COA5: variants seen among roughly 807,000 people sequenced by gnomAD.
COA5 encodes the protein cytochrome c oxidase assembly factor 5.
Under a neutral mutation model 11.8 loss-of-function variants are expected in COA5, and 11 were observed. That is an observed-to-expected ratio of 0.93 (90% CI 0.59 to 1.54). COA5 has a LOEUF of 1.54. Among genes scored for constraint, COA5 ranks in the 40% most tolerant of loss-of-function variants. The probability of loss-of-function intolerance (pLI) is 0.00; values close to 1 mark genes in which losing one functional copy is unlikely to be tolerated. For synonymous variants in COA5, 38 were observed against 37.5 expected (o/e 1.01, Z -0.05); for missense variants, 87 against 89.2 (o/e 0.97, Z 0.10).
In COA5 at chr2:98,599,413, G is replaced by GTTGT. The variant is rs775586533; in HGVS notation, c.*1335_*1338dup. On this transcript the variant is annotated 3_prime_UTR_variant, in exon 3 of 3. Transcript: ENST00000328709. ...AGGGCTTTATAATATACATTTTAGA[G>GTTGT]TTGTTTACTTTTATTAATAAAAAGT... The GTTGT allele has an allele frequency of 2.0e-5, 3 of 152,080 alleles. No individual in the cohort carries two copies. Among genetic ancestry groups the GTTGT allele is most frequent in the Non-Finnish European group, 4.4e-5 (3 of 68,034 alleles). 9.4% of individuals were successfully genotyped at this position (152,080 alleles called of 1,614,324 possible).
chr2:98,600,663 G>GT lies in COA5; in HGVS notation c.*88dup. 5.2e-6 allele frequency: 6 copies of GT among 1,152,050 alleles called. No individual in the cohort carries two copies. The South Asian group carries it at 7.8e-5, about 15-fold the overall frequency. The allele number at this position is 1,152,050 out of a possible 1,614,324, so 71.4% of individuals were successfully genotyped here. ...AATCTGGTCCAACCAAACAGATGTA[G>GT]TAAAAAGTATGTTTCCTGTTTTGGC... On this transcript the variant is annotated 3_prime_UTR_variant, in exon 3 of 3. Transcript: ENST00000328709.
chr2:98,600,541 G>T lies in COA5; in HGVS notation c.*211C>A. On this transcript the variant is annotated 3_prime_UTR_variant, in exon 3 of 3. Coordinates refer to ENST00000328709, the MANE Select transcript of COA5 (RefSeq NM_001008215.3). ...TCCCAACCCATACCTGTTCAATTAG[G>T]TTTTTCTTCTAAAAATAACTTGGAT... 6.8e-6 allele frequency: 4 copies of T among 587,170 alleles called. No individual in the cohort carries two copies. Among genetic ancestry groups the T allele is most frequent in the Middle Eastern group, 4.7e-4 (1 of 2,150 alleles). The allele number at this position is 587,170 out of a possible 1,614,324, so 36.4% of individuals were successfully genotyped here.
chr2:98,600,621 G>T lies in COA5; in HGVS notation c.*131C>A, dbSNP rs978182755. 1 of 744,404 alleles carries T rather than the reference G, an allele frequency of 1.3e-6. No individual in the cohort carries two copies. The highest frequency in any genetic ancestry group is 1.7e-5 in the African/African-American group (1 of 57,646). The allele number at this position is 744,404 out of a possible 1,614,324, so 46.1% of individuals were successfully genotyped here. ...GAAAACAACTCATCCACTTTCTTCA[G>T]TGTTCCACGGAGGGGAAATCTGGTC... On this transcript the variant is annotated 3_prime_UTR_variant, in exon 3 of 3. Coordinates refer to ENST00000328709, the MANE Select transcript of COA5 (RefSeq NM_001008215.3).
chr2:98,606,455 G>A (rs879360727), intron 1 of COA5, among the ~76,000 whole-genome samples: 3 of 152,222 alleles, frequency 2.0e-5, no homozygotes, highest in South Asian at 2.1e-4. Context: ...ACTGAGCACT[G>A]GTAAGGCCAC....
Position 98,599,457 on chromosome 2 carries a change from A to ATG in COA5, c.*1294_*1295insCA, listed in dbSNP as rs1700610074. 6.6e-6 allele frequency: 1 copy of ATG among 152,198 alleles called. No homozygotes were observed. Among genetic ancestry groups the ATG allele is most frequent in the African/African-American group, 2.4e-5 (1 of 41,456 alleles). The allele number at this position is 152,198 out of a possible 1,614,324, so 9.4% of individuals were successfully genotyped here. A position where few individuals can be genotyped will look rare whatever the true frequency, so the allele number is the denominator to read the frequency against. On this transcript the variant is annotated 3_prime_UTR_variant, in exon 3 of 3. Coordinates refer to ENST00000328709, the MANE Select transcript of COA5 (RefSeq NM_001008215.3). ...AAAAAGTTAGATCACTTATATATAT[A>ATG]TACATTGAAAAAAACTATTATTGTC...
intron 2 of COA5, among the ~76,000 whole-genome samples, chr2:98,601,196 G>A (rs1700637196): frequency 6.6e-6 from 1 of 151,992 alleles, no homozygotes; most frequent in African/African-American, 2.4e-5. Context: ...AGTGAGCCAA[G>A]ATCGCACCAC....
chr2:98,604,130 A>G lies in COA5; in HGVS notation c.161T>C (p.Phe54Ser), dbSNP rs1271333377. 5 of 1,613,830 alleles carry G rather than the reference A, an allele frequency of 3.1e-6. No homozygotes were observed. Among genetic ancestry groups the G allele is most frequent in the Non-Finnish European group, 3.4e-6 (4 of 1,179,882 alleles). ...TACCACTGATCTTTTACACTCAAAA[A>G]ATGCGTACTTCAAAGAGTTGCAGTA... is the stretch of plus-strand genomic sequence containing the variant. ...EGYCNSLKYA[F>S]FECKRSVLDN... The change falls in exon 2 of 3, where the codon TTT becomes TCT. Residue 54 changes from phenylalanine (F) to serine (S), a missense_variant. Phe to Ser is a radical substitution (Grantham distance 155). Coordinates refer to ENST00000328709, the MANE Select transcript of COA5 (RefSeq NM_001008215.3).
At chr2:98,600,849 C>T (rs780603354) in intron 2 of COA5, 56 bp from the exon 3 acceptor site, 34 of 1,163,416 alleles carry the variant, frequency 2.9e-5, no homozygotes, top group Non-Finnish European at 3.7e-5. Context: ...AATTAAACAC[C>T]CCTTACTTTG....
At chr2:98,604,797 G>A (rs1409252507) in intron 1 of COA5, 2 of 153,032 alleles carry the variant, frequency 1.3e-5, no homozygotes, top group Non-Finnish European at 2.9e-5. Flanking sequence ...TATGTCTGTG[G>A]TATTCCTGTT....
chr2:98,606,262 T>C (rs190479347), intron 1 of COA5, among the ~76,000 whole-genome samples: 9 of 152,326 alleles, frequency 5.9e-5, no homozygotes, highest in Admixed American at 5.9e-4. Flanking sequence ...GAGTCCCCAG[T>C]GAGGAGCAGT....
Position 98,600,674 on chromosome 2 carries a change from G to A in COA5, c.*78C>T. 2.4e-6 allele frequency: 3 copies of A among 1,258,824 alleles called. No homozygotes were observed. The highest frequency in any genetic ancestry group is 3.4e-6 in the Non-Finnish European group (3 of 873,264). 78.0% of individuals were successfully genotyped at this position (1,258,824 alleles called of 1,614,324 possible). A position where few individuals can be genotyped will look rare whatever the true frequency, so the allele number is the denominator to read the frequency against. ...ACCAAACAGATGTAGTAAAAAGTATGTTTCCTGTTTTGGCTTCTTTGTGTT... is the reference window on the plus strand; with the variant it reads ...ACCAAACAGATGTAGTAAAAAGTATATTTCCTGTTTTGGCTTCTTTGTGTT... On this transcript the variant is annotated 3_prime_UTR_variant, in exon 3 of 3. Transcript: ENST00000328709.
At position 98,608,473 on chromosome 2, in the gene COA5, C is replaced by T; in HGVS notation, c.-68G>A. 1 of 1,234,276 alleles carries T rather than the reference C, an allele frequency of 8.1e-7. No homozygotes were observed. Among genetic ancestry groups the T allele is most frequent in the Non-Finnish European group, 1.2e-6 (1 of 867,888 alleles). The allele number at this position is 1,234,276 out of a possible 1,614,324, so 76.5% of individuals were successfully genotyped here. A position where few individuals can be genotyped will look rare whatever the true frequency, so the allele number is the denominator to read the frequency against. ...GCAACACTTGCAACCGGGTCGGGAG[C>T]GAGCGAGGCCCCAGTCTCAGGGGAC... is the stretch of plus-strand genomic sequence containing the variant. On this transcript the variant is annotated 5_prime_UTR_variant, in exon 1 of 3. Coordinates refer to ENST00000328709, the MANE Select transcript of COA5 (RefSeq NM_001008215.3).
chr2:98,608,416 C>T lies in COA5; in HGVS notation c.-11G>A. The T allele has an allele frequency of 6.3e-7, 1 of 1,582,584 alleles. No homozygotes were observed. The highest frequency in any genetic ancestry group is 8.6e-7 in the Non-Finnish European group (1 of 1,165,232). On this transcript the variant is annotated 5_prime_UTR_variant, in exon 1 of 3. Coordinates refer to ENST00000328709, the MANE Select transcript of COA5 (RefSeq NM_001008215.3). ...ATAATACTTAGGCATGACGGCGCTT[C>T]CCCTCCGATGCGGACGCGACTTTCT...
intron 2 of COA5, among the ~76,000 whole-genome samples, chr2:98,601,699 C>T (rs1351460311): frequency 6.6e-6 from 1 of 152,186 alleles, no homozygotes; most frequent in African/African-American, 2.4e-5. Flanking sequence ...GCAGGCCACA[C>T]AGGTGGTCAG....
chr2:98,605,984 G>A (rs1559145166), intron 1 of COA5: 2 of 152,136 alleles, frequency 1.3e-5, no homozygotes, highest in East Asian at 3.9e-4. Context: ...ATTACCCTGA[G>A]TTTCTCTGAG....
rs1404279803 is a variant in COA5, at chr2:98,608,413, C to G, written c.-8G>C. On this transcript the variant is annotated 5_prime_UTR_variant, in exon 1 of 3. Coordinates refer to ENST00000328709, the MANE Select transcript of COA5 (RefSeq NM_001008215.3). The stretch of plus-strand genomic sequence containing the variant: ...CTCATAATACTTAGGCATGACGGCG[C>G]TTCCCCTCCGATGCGGACGCGACTT... 1.3e-6 allele frequency: 2 copies of G among 1,588,022 alleles called. No homozygotes were observed. The highest frequency in any genetic ancestry group is 2.3e-5 in the South Asian group (2 of 88,382).
intron 2 of COA5, among the ~76,000 whole-genome samples, chr2:98,602,918 T>A (rs781663245): frequency 1.3e-5 from 2 of 152,202 alleles, no homozygotes; most frequent in Non-Finnish European, 1.5e-5. Flanking sequence ...AAGGTTTGCA[T>A]TTTACATGGG....
intron 2 of COA5, among the ~76,000 whole-genome samples, chr2:98,601,445 A>G (rs1700640393): frequency 1.3e-5 from 2 of 152,238 alleles, no homozygotes; most frequent in African/African-American, 4.8e-5. Context: ...AAAAATGTTA[A>G]GTAACACATT....
intron 2 of COA5, among the ~76,000 whole-genome samples, chr2:98,603,111 G>C: frequency 6.6e-6 from 1 of 152,274 alleles, no homozygotes; most frequent in East Asian, 1.9e-4. Flanking sequence ...CTTGCAGGTC[G>C]TAAGTATCAG....
Sources: gnomAD v4.1 joint callset for allele counts (sites outside exome capture counted in the v4.1 genomes callset) on GRCh38, gnomAD v4.1.1 for gene constraint, MANE v1.5 for transcripts, NCBI Gene and HGNC (gene_info 2026-07-23, HGNC 2026-07-21) for gene names.